CUBN: variants seen among roughly 807,000 people sequenced by gnomAD.
The protein encoded by CUBN is 460 kDa receptor.
A neutral mutation model predicts 405.3 loss-of-function variants in CUBN; 282 were observed. That is an observed-to-expected ratio of 0.70 (90% CI 0.63 to 0.77). The LOEUF is 0.77. CUBN is among the 30% of genes least tolerant of loss of function. The pLI, the probability that CUBN is intolerant of heterozygous loss-of-function variation, is 0.00. For synonymous variants in CUBN, 1,684 were observed against 1,617.0 expected (o/e 1.04, Z -0.99); for missense variants, 4,514 against 4,475.2 (o/e 1.01, Z -0.25).
chr10:17,123,814 C>T (rs1218607493), intron 4 of CUBN, 125 bp from the exon 5 acceptor site: 1 of 679,158 alleles, frequency 1.5e-6, no homozygotes, highest in African/African-American at 1.8e-5. Flanking sequence ...CACTTTAAAG[C>T]CATTACTTAT....
rs1261953955 is a variant in CUBN, at chr10:16,902,192, T to C, written c.8063-733A>G. Among the ~76,000 whole-genome samples the C allele has an allele frequency of 2.2e-5, 3 of 136,156 alleles. No individual in the cohort carries two copies. The East Asian group carries it at 6.1e-4, about 28-fold the overall frequency. The allele number at this position is 136,156 out of a possible 152,430, so 89.3% of individuals were successfully genotyped here. ...TATATATAGTATATATATTTGTATA[T>C]ATAGTATATATATTTATATATATAG... On this transcript the variant is annotated intron_variant, in intron 51 of 66. Coordinates refer to ENST00000377833, the MANE Select transcript of CUBN (RefSeq NM_001081.4).
rs1003731369 is a variant in CUBN, at chr10:17,065,136, C to A, written c.3139+372G>T. Among the ~76,000 whole-genome samples the A allele has an allele frequency of 6.4e-5, 9 of 141,296 alleles. No individual in the cohort carries two copies. In the South Asian group the frequency reaches 6.6e-4, roughly 10 times the overall value. 92.7% of individuals were successfully genotyped at this position (141,296 alleles called of 152,430 possible). A position where few individuals can be genotyped will look rare whatever the true frequency, so the allele number is the denominator to read the frequency against. ...ATCATTTCTCTCTCTCTCTCCCCCCCCCCCCACACACACATGCACAGACAC... is the reference window on the plus strand; with the variant it reads ...ATCATTTCTCTCTCTCTCTCCCCCCACCCCCACACACACATGCACAGACAC... On this transcript the variant is annotated intron_variant, in intron 22 of 66. Transcript: ENST00000377833.
intron 29 of CUBN, among the ~76,000 whole-genome samples, chr10:16,987,661 GC>G (rs1232739128): frequency 6.6e-6 from 1 of 152,126 alleles, no homozygotes; most frequent in Non-Finnish European, 1.5e-5. Context: ...GAGAAAGTCA[GC>G]AAAGTTTTTA....
At chr10:16,955,195 A>ACC (rs71862680) in intron 31 of CUBN, among the ~76,000 whole-genome samples, 97 of 151,142 alleles carry the variant, frequency 6.4e-4, no homozygotes, top group African/African-American at 2.0e-3. Flanking sequence ...ACATGGCGAG[A>ACC]CCCCCGTCTC....
chr10:17,046,013 G>C lies in CUBN; in HGVS notation c.3411C>G (p.Asn1137Lys). The change falls in exon 24 of 67, where the codon AAC (asparagine) becomes AAG (lysine). Residue 1137 changes from asparagine to lysine, a missense_variant. Coordinates refer to ENST00000377833, the MANE Select transcript of CUBN (RefSeq NM_001081.4). The stretch of plus-strand genomic sequence containing the variant: ...CACTCTTAAATTTTAACCATAGTTT[G>C]TTACTATGAGAGATGATTGTTGGGG... ...NLPPTIISHS[N>K]KLWLKFKSDQ... 1 of 1,612,950 alleles carries C rather than the reference G, an allele frequency of 6.2e-7. No individual in the cohort carries two copies. Among genetic ancestry groups the C allele is most frequent in the Non-Finnish European group, 8.5e-7 (1 of 1,178,988 alleles).
At chr10:16,935,771 T>A (rs1226052855) in intron 39 of CUBN, among the ~76,000 whole-genome samples, 1 of 150,184 alleles carries the variant, frequency 6.7e-6, no homozygotes, top group Non-Finnish European at 1.5e-5. Context: ...TCCTAGCTAC[T>A]TGGGAGGCTG....
chr10:16,899,942 C>T (rs146201255), intron 53 of CUBN, among the ~76,000 whole-genome samples: 1 of 152,208 alleles, frequency 6.6e-6, no homozygotes, highest in Non-Finnish European at 1.5e-5. Context: ...TACAGAAATC[C>T]CTAATAAAGT....
intron 8 of CUBN, 50 bp downstream of exon 8, chr10:17,113,977 A>G: frequency 2.5e-6 from 4 of 1,588,820 alleles, no homozygotes; most frequent in Non-Finnish European, 3.4e-6. Context: ...TGGTTCTGGC[A>G]CCTCGCCAAC....
chr10:17,009,899 G>C (rs1238684108), intron 28 of CUBN, among the ~76,000 whole-genome samples: 1 of 152,180 alleles, frequency 6.6e-6, no homozygotes, highest in African/African-American at 2.4e-5. Context: ...AAAACAAACA[G>C]TACAATGTGC....
Position 16,840,387 on chromosome 10 carries a change from T to G in CUBN, c.9975A>C (p.Leu3325Phe), listed in dbSNP as rs368123616. The change falls in exon 62 of 67, where the codon TTA becomes TTC. Residue 3325 changes from leucine (L) to phenylalanine (F), a missense_variant. Around this residue, in one of 5 missense-constraint regions of CUBN, gnomAD observed 1,186 missense variants for 1,186.9 expected, o/e 1.00. Coordinates refer to ENST00000377833, the MANE Select transcript of CUBN (RefSeq NM_001081.4). ...HQQVKITVWA[L>F]QLTSQDCTQN... ...GCGTGCAGTCTTGCGAGGTCAGCTG[T>G]AATGCCCACACAGTTATCTTGACCT... The G allele has an allele frequency of 6.2e-7, 1 of 1,614,166 alleles. No homozygotes were observed. The highest frequency in any genetic ancestry group is 2.2e-5 in the East Asian group (1 of 44,878).
intron 28 of CUBN, among the ~76,000 whole-genome samples, chr10:17,013,979 T>C (rs979344987): frequency 2.0e-5 from 3 of 152,326 alleles, no homozygotes; most frequent in African/African-American, 7.2e-5. Flanking sequence ...TTCCCCATCC[T>C]CTGGGAGAAA....
intron 57 of CUBN, among the ~76,000 whole-genome samples, 199 bp from the exon 58 acceptor site, chr10:16,874,702 C>G (rs1436174118): frequency 2.0e-5 from 3 of 152,074 alleles, no homozygotes; most frequent in African/African-American, 7.2e-5. Flanking sequence ...TGAAAGACAG[C>G]AAGAGGGTAG....
chr10:17,083,166 T>C (rs1187061925), intron 17 of CUBN, among the ~76,000 whole-genome samples: 9 of 152,098 alleles, frequency 5.9e-5, no homozygotes, highest in Non-Finnish European at 1.2e-4. Flanking sequence ...CTAAATTGAA[T>C]AAATATACCC....
At chr10:17,117,384 G>GA (rs1836929366) in intron 6 of CUBN, among the ~76,000 whole-genome samples, 1 of 151,408 alleles carries the variant, frequency 6.6e-6, no homozygotes, top group Non-Finnish European at 1.5e-5. Context: ...TTTTGTTTTT[G>GA]TTTTTTTTGA....
In CUBN at chr10:16,952,328, G is replaced by A; in HGVS notation, c.4917C>T (p.Ala1639=). ...FDTVSSPRFP[A]NYPNNQNCSW... ...TGCAGTTCTGATTGTTTGGATAATT[G>A]GCAGGGAACCGTGGAGAGGAAACAG... Residue 1639 remains alanine, a synonymous_variant, in exon 33 of 67, where the codon GCC becomes GCT. Coordinates refer to ENST00000377833, the MANE Select transcript of CUBN (RefSeq NM_001081.4). 8 of 1,613,954 alleles carry A rather than the reference G, an allele frequency of 5.0e-6. No individual in the cohort carries two copies. The highest frequency in any genetic ancestry group is 6.8e-6 in the Non-Finnish European group (8 of 1,179,922).
rs182054909 is a variant in CUBN, at chr10:17,128,479, A to G, written c.253-555T>C. Among the ~76,000 whole-genome samples, 357 of 152,346 alleles carry G rather than the reference A, an allele frequency of 2.3e-3. 2 individuals carry two copies. The highest frequency in any genetic ancestry group is 7.6e-3 in the African/African-American group (318 of 41,580). On this transcript the variant is annotated intron_variant, in intron 2 of 66. Transcript: ENST00000377833. ...GGGAAATGAAAACACCCAGTAAGGC[A>G]GGAGAATAACTGGCCAATTCTGTTC... is the stretch of plus-strand genomic sequence containing the variant.
chr10:16,869,853 C>G lies in CUBN; in HGVS notation c.9237G>C (p.Lys3079Asn). The G allele has an allele frequency of 6.3e-7, 1 of 1,599,960 alleles. No individual in the cohort carries two copies. The highest frequency in any genetic ancestry group is 1.1e-5 in the South Asian group (1 of 90,816). Residue 3079 changes from lysine to asparagine, a missense_variant and splice_region_variant, in exon 59 of 67, where the codon AAG (lysine) becomes AAC (asparagine). Lys to Asn is a moderately conservative substitution (Grantham distance 94, BLOSUM62 0). Transcript: ENST00000377833. ...AGGGAACCACATCAAAATCACTGAA[C>G]CTGTGAAATGTACCTTGTTAATACT... ...TVSDDKVIELKFSDFDVVPST... is the reference protein window; with the variant it reads ...TVSDDKVIELNFSDFDVVPST...
At chr10:16,851,163 G>T in intron 60 of CUBN, 72 bp downstream of exon 60, 2 of 1,267,292 alleles carry the variant, frequency 1.6e-6, no homozygotes, top group South Asian at 1.2e-5. Context: ...TTCCTGTAAC[G>T]ATATAAACTG....
chr10:16,920,431 G>C (rs1408352666), intron 43 of CUBN, among the ~76,000 whole-genome samples: 1 of 152,172 alleles, frequency 6.6e-6, no homozygotes, highest in Non-Finnish European at 1.5e-5. Flanking sequence ...GAACATCACA[G>C]AAGCATGAAT....
Sources: gnomAD v4.1 joint callset for allele counts (sites outside exome capture counted in the v4.1 genomes callset) on GRCh38, gnomAD v4.1.1 for gene constraint, gnomAD v4.1.1 regional missense constraint, MANE v1.5 for transcripts, NCBI Gene and HGNC (gene_info 2026-07-23, HGNC 2026-07-21) for gene names.